Variants in SMAD1 observed in about 807,000 individuals in gnomAD.
SMAD1 encodes the protein MAD, mothers against decapentaplegic homolog 1.
In SMAD1, 6 loss-of-function variants were observed where a neutral mutation model predicts 41.6. The ratio of observed to expected loss-of-function variants is 0.14; its 90% CI spans 0.08 to 0.28. The LOEUF (loss-of-function observed/expected upper bound fraction) is 0.28. SMAD1 is among the 10% of genes least tolerant of loss of function. The pLI is 1.00. For missense variants in SMAD1, 379 were observed against 582.6 expected (o/e 0.65, Z 3.60); for synonymous variants, 206 against 203.2 (o/e 1.01, Z -0.12).
chr4:145,530,238 C>T (rs1052199865), intron 2 of SMAD1, among the ~76,000 whole-genome samples: 3 of 152,138 alleles, frequency 2.0e-5, no homozygotes, highest in African/African-American at 7.2e-5. Flanking sequence ...GAATTCTTTT[C>T]TACCAGGGGT....
Position 145,490,964 on chromosome 4 carries a change from A to G in SMAD1, c.-177+8926A>G, listed in dbSNP as rs1156387330. Among the ~76,000 whole-genome samples the G allele has an allele frequency of 5.9e-5, 9 of 152,204 alleles. No individual in the cohort carries two copies. The East Asian group carries it at 1.7e-3, about 29-fold the overall frequency. On this transcript the variant is annotated intron_variant, in intron 1 of 6. Coordinates refer to ENST00000302085, the MANE Select transcript of SMAD1 (RefSeq NM_005900.3). Reference sequence around the variant, plus strand: ...TGTGCTTAATGCAGAAAGATTCTGCAGTGGATTCTTGTCATAGTGTTAGAA... The same window carrying G: ...TGTGCTTAATGCAGAAAGATTCTGCGGTGGATTCTTGTCATAGTGTTAGAA...
At chr4:145,506,074 C>G (rs1179809471) in intron 1 of SMAD1, among the ~76,000 whole-genome samples, 1 of 152,056 alleles carries the variant, frequency 6.6e-6, no homozygotes, top group Non-Finnish European at 1.5e-5. Flanking sequence ...GAACTCTTGA[C>G]TGGTGATCCC....
chr4:145,537,704 A>G (rs771235603), intron 2 of SMAD1, among the ~76,000 whole-genome samples: 4 of 152,158 alleles, frequency 2.6e-5, no homozygotes, highest in African/African-American at 7.2e-5. Flanking sequence ...AGGAATACAT[A>G]TGCAGATTTT....
chr4:145,525,040 C>T (rs929135977), intron 2 of SMAD1, among the ~76,000 whole-genome samples: 1 of 152,180 alleles, frequency 6.6e-6, no homozygotes, highest in Admixed American at 6.5e-5. Context: ...GGAGGAGTCA[C>T]AGGTGATTTG....
chr4:145,514,973 C>A lies in SMAD1; in HGVS notation c.360C>A (p.Val120=), dbSNP rs1451531477. The change falls in exon 2 of 7, where the codon GTC becomes GTA. Residue 120 remains valine, a synonymous_variant. Coordinates refer to ENST00000302085, the MANE Select transcript of SMAD1 (RefSeq NM_005900.3). This position sits in a 1 kb window ranked among gnomAD's most constrained non-coding sequence, Gnocchi z 4.7. ...CTTTTGGTTCCAAGCAGAAGGAGGTCTGCATCAATCCCTACCACTATAAGA... is the reference window on the plus strand; with the variant it reads ...CTTTTGGTTCCAAGCAGAAGGAGGTATGCATCAATCCCTACCACTATAAGA... ...EFPFGSKQKE[V]CINPYHYKRV... The A allele has an allele frequency of 6.2e-7, 1 of 1,613,774 alleles. No homozygotes were observed. Among genetic ancestry groups the A allele is most frequent in the Non-Finnish European group, 8.5e-7 (1 of 1,179,862 alleles).
chr4:145,535,343 C>T (rs1254263175), intron 2 of SMAD1, among the ~76,000 whole-genome samples: 1 of 152,036 alleles, frequency 6.6e-6, no homozygotes, highest in Non-Finnish European at 1.5e-5. Flanking sequence ...AGGAATTTGC[C>T]CTGAAGATAC....
intron 4 of SMAD1, chr4:145,545,526 G>A (rs1732196025): frequency 7.3e-6 from 1 of 136,072 alleles, no homozygotes; most frequent in South Asian, 2.5e-4. Context: ...TTATGTGTGG[G>A]TTTTTTCATG....
At chr4:145,485,273 G>A (rs934616091) in intron 1 of SMAD1, among the ~76,000 whole-genome samples, 8 of 152,214 alleles carry the variant, frequency 5.3e-5, no homozygotes, top group Admixed American at 2.6e-4. Context: ...ACAGGGTTTC[G>A]TCATGTTGCC....
At chr4:145,533,703 A>G (rs2126491236) in intron 2 of SMAD1, among the ~76,000 whole-genome samples, 1 of 152,328 alleles carries the variant, frequency 6.6e-6, no homozygotes, top group South Asian at 2.1e-4. Flanking sequence ...TCTAAAAATA[A>G]TAATAAAATT....
intron 1 of SMAD1, among the ~76,000 whole-genome samples, chr4:145,494,613 T>C (rs774307877): frequency 1.1e-4 from 17 of 152,200 alleles, no homozygotes; most frequent in Non-Finnish European, 2.1e-4. Context: ...CCTGGGCCCA[T>C]CCTATTGAAG....
chr4:145,548,362 G>A lies in SMAD1; in HGVS notation c.997+1438G>A, dbSNP rs187730359. On this transcript the variant is annotated intron_variant, in intron 5 of 6. Coordinates refer to ENST00000302085, the MANE Select transcript of SMAD1 (RefSeq NM_005900.3). ...TTGTGCCTCAGCCTCCTCAGTAGCT[G>A]GGAGGTTACAGGTGTGCACCACCAC... Among the ~76,000 whole-genome samples the A allele has an allele frequency of 1.7e-3, 262 of 152,102 alleles. 1 individual carries two copies. Among genetic ancestry groups the A allele is most frequent in the Non-Finnish European group, 2.9e-3 (200 of 67,974 alleles).
At chr4:145,507,016 C>T (rs566699060) in intron 1 of SMAD1, among the ~76,000 whole-genome samples, 1 of 152,174 alleles carries the variant, frequency 6.6e-6, no homozygotes, top group Non-Finnish European at 1.5e-5. Context: ...GAAATCCTTC[C>T]CATGGGTGAG....
intron 2 of SMAD1, 121 bp downstream of exon 2, chr4:145,515,134 CTGTGTGTGTGTGTGTGTGTGTG>C (rs377610507): frequency 9.3e-6 from 5 of 535,722 alleles, no homozygotes; most frequent in African/African-American, 2.1e-5. Context: ...TTTGGGGAAA[CTGTGTGTGTGTGTGTGTGTGTG>C]TGTGTGTGTG....
intron 2 of SMAD1, among the ~76,000 whole-genome samples, chr4:145,534,402 C>T (rs954093392): frequency 2.6e-5 from 4 of 152,106 alleles, no homozygotes; most frequent in African/African-American, 9.7e-5. Context: ...GTATTAATAA[C>T]TTTTTTTACC....
At position 145,529,907 on chromosome 4, in the gene SMAD1, T is replaced by C. The variant is rs528399009; in HGVS notation, c.401-9897T>C. ...TTGACTTGTTATATCTGGGATGAGG[T>C]ATAAGAATCTGCCTTTTTAAATAAG... On this transcript the variant is annotated intron_variant, in intron 2 of 6. Transcript: ENST00000302085. Among the ~76,000 whole-genome samples the C allele has an allele frequency of 4.6e-3, 693 of 152,278 alleles. 5 individuals are homozygous for C. The highest frequency in any genetic ancestry group is 0.016 in the African/African-American group (667 of 41,556).
In SMAD1 at chr4:145,514,582, C is replaced by T. The variant is rs773488751; in HGVS notation, c.-32C>T. 2 of 1,527,976 alleles carry T rather than the reference C, an allele frequency of 1.3e-6. No homozygotes were observed. The highest frequency in any genetic ancestry group is 2.2e-5 in the Admixed American group (1 of 46,458). The allele number at this position is 1,527,976 out of a possible 1,614,324, so 94.7% of individuals were successfully genotyped here. A position where few individuals can be genotyped will look rare whatever the true frequency, so the allele number is the denominator to read the frequency against. ...GCATTTGGAGACAGCTTTATTTCAC[C>T]ATATCCAAGGAGTATAACTAGTGCT... On this transcript the variant is annotated 5_prime_UTR_variant, in exon 2 of 7. Transcript: ENST00000302085. The surrounding 1 kb of genome is among the most constrained non-coding windows in gnomAD (Gnocchi z 4.7).
At chr4:145,549,619 T>G (rs1732450022) in intron 5 of SMAD1, among the ~76,000 whole-genome samples, 1 of 152,220 alleles carries the variant, frequency 6.6e-6, no homozygotes, top group Admixed American at 6.5e-5. Context: ...TTCTACAAAT[T>G]TGAAATTATT....
intron 2 of SMAD1, 110 bp from the exon 3 acceptor site, chr4:145,539,694 G>A (rs1234669123): frequency 1.6e-5 from 17 of 1,076,904 alleles, no homozygotes; most frequent in Middle Eastern, 5.7e-4. Context: ...AGCAGGACAG[G>A]GATCAGATAA....
rs79621885 is a variant in SMAD1 at position 145,508,616 on chromosome 4, G to C, written c.-176-5822G>C. ...AAAATTCTACTTATCCTTTAAGTCT[G>C]ATGTTTTCTCTTGGAAAAAAATGTT... On this transcript the variant is annotated intron_variant, in intron 1 of 6. Coordinates refer to ENST00000302085, the MANE Select transcript of SMAD1 (RefSeq NM_005900.3). Among the ~76,000 whole-genome samples, 1,491 of 152,144 alleles carry C rather than the reference G, an allele frequency of 9.8e-3. 20 individuals carry two copies. The highest frequency in any genetic ancestry group is 0.034 in the African/African-American group (1,394 of 41,510).
Sources: gnomAD v4.1 joint callset for allele counts (sites outside exome capture counted in the v4.1 genomes callset) on GRCh38, gnomAD v4.1.1 for gene constraint, Gnocchi (gnomAD v3.1) non-coding constraint, MANE v1.5 for transcripts, NCBI Gene and HGNC (gene_info 2026-07-23, HGNC 2026-07-21) for gene names.